The following FNDC3B variants were observed in gnomAD, a reference collection of about 807,000 sequenced individuals.
FNDC3B encodes fibronectin type III domain-containing protein 3B.
A neutral mutation model predicts 151.5 loss-of-function variants in FNDC3B; 12 were observed. That is an observed-to-expected ratio of 0.08 (90% CI 0.05 to 0.13). FNDC3B has a LOEUF of 0.13. Ranked by LOEUF, FNDC3B falls within the 10% of genes least tolerant of loss-of-function variation. FNDC3B has a pLI of 1.00. For synonymous variants in FNDC3B, 528 were observed against 549.0 expected, an observed-to-expected ratio of 0.96 and a Z score of 0.54; for missense variants, 1,214 against 1,505.3, an observed-to-expected ratio of 0.81 and a Z score of 3.20.
chr3:172,194,215 A>G (rs1408464364), intron 3 of FNDC3B, among the ~76,000 whole-genome samples: 1 of 151,908 alleles, frequency 6.6e-6, no homozygotes, highest in African/African-American at 2.4e-5. Flanking sequence ...GCAAGACTCC[A>G]TCTCAAAAAA....
intron 1 of FNDC3B, among the ~76,000 whole-genome samples, chr3:172,079,485 A>G (rs897320732): frequency 2.1e-4 from 32 of 152,342 alleles, no homozygotes; most frequent in African/African-American, 7.5e-4. Flanking sequence ...AAGACTTCAG[A>G]TAATTGGAAA....
At chr3:172,194,247 G>A (rs1724715912) in intron 3 of FNDC3B, among the ~76,000 whole-genome samples, 1 of 151,992 alleles carries the variant, frequency 6.6e-6, no homozygotes, top group African/African-American at 2.4e-5. Flanking sequence ...TATCTTAGTG[G>A]TTATACTGTT....
intron 16 of FNDC3B, 112 bp from the exon 17 acceptor site, chr3:172,341,000 GA>G: frequency 1.4e-6 from 1 of 739,926 alleles, no homozygotes; most frequent in Non-Finnish European, 2.4e-6. Context: ...TATTTAAAAA[GA>G]AAAAGAAGAT....
intron 1 of FNDC3B, among the ~76,000 whole-genome samples, chr3:172,086,951 T>G (rs778968594): frequency 6.6e-6 from 1 of 152,310 alleles, no homozygotes; most frequent in Non-Finnish European, 1.5e-5. Flanking sequence ...CTGGATAGAT[T>G]TATTAAAGAA....
At chr3:172,076,619 TA>T (rs1428758853) in intron 1 of FNDC3B, among the ~76,000 whole-genome samples, 1 of 152,222 alleles carries the variant, frequency 6.6e-6, no homozygotes, top group Admixed American at 6.5e-5. Context: ...TTAATTAATT[TA>T]TTTTTTTTAA....
chr3:172,307,107 C>T, intron 9 of FNDC3B: 1 of 425,320 alleles, frequency 2.4e-6, no homozygotes, highest in East Asian at 4.1e-5. Context: ...AGAATAATCT[C>T]TTCTAGTCAG....
At chr3:172,174,625 T>TTCAATA (rs1723455998) in intron 3 of FNDC3B, among the ~76,000 whole-genome samples, 1 of 152,170 alleles carries the variant, frequency 6.6e-6, no homozygotes, top group African/African-American at 2.4e-5. Flanking sequence ...TGTAGTGCTA[T>TTCAATA]TCAGACTTCA....
At chr3:172,329,108 G>A (rs199686506) in intron 12 of FNDC3B, 32 bp downstream of exon 12, 4 of 1,582,384 alleles carry the variant, frequency 2.5e-6, no homozygotes, top group Middle Eastern at 1.7e-4. Context: ...TTGCCCTTCA[G>A]CCTTTGGATG....
rs550104068 is a variant in FNDC3B, at chr3:172,306,784, GT to G, written c.1062-578del. On this transcript the variant is annotated intron_variant, in intron 9 of 25. Transcript: ENST00000415807. Reference sequence around the variant, plus strand: ...TCATGTATAAGAGTTAAATATTCACGTGGATTAAACTGTACCTGAACATTGT... The same window carrying G: ...TCATGTATAAGAGTTAAATATTCACGGGATTAAACTGTACCTGAACATTGT... 8.5e-5 allele frequency among the ~76,000 whole-genome samples: 13 copies of G among 152,328 alleles called. No individual in the cohort carries two copies. The South Asian group carries it at 2.5e-3, about 29-fold the overall frequency.
At chr3:172,198,147 G>T (rs1163768634) in intron 3 of FNDC3B, among the ~76,000 whole-genome samples, 1 of 151,968 alleles carries the variant, frequency 6.6e-6, no homozygotes, top group Non-Finnish European at 1.5e-5. Context: ...CATCTTTTCT[G>T]GTTCAAAGAG....
intron 17 of FNDC3B, 81 bp downstream of exon 17, chr3:172,341,312 G>A (rs548616232): frequency 2.0e-6 from 2 of 999,308 alleles, no homozygotes; most frequent in African/African-American, 1.6e-5. Flanking sequence ...GCAAATTGCA[G>A]TTTAAACAAT....
intron 3 of FNDC3B, among the ~76,000 whole-genome samples, chr3:172,216,024 C>T (rs1445679168): frequency 6.6e-6 from 1 of 151,780 alleles, no homozygotes; most frequent in Non-Finnish European, 1.5e-5. Context: ...GCTAATAGAT[C>T]CTCTTCACGC....
chr3:172,207,363 CAAATAAAT>C (rs1275570959), intron 3 of FNDC3B, among the ~76,000 whole-genome samples: 1 of 152,082 alleles, frequency 6.6e-6, no homozygotes, highest in Admixed American at 6.5e-5. Flanking sequence ...CAATGGGTAT[CAAATAAAT>C]AACACAGTTT....
chr3:172,351,666 A>G (rs999144056), intron 21 of FNDC3B, among the ~76,000 whole-genome samples: 6 of 152,224 alleles, frequency 3.9e-5, no homozygotes, highest in African/African-American at 1.4e-4. Flanking sequence ...GATACCAGCT[A>G]GGAGGTCATT....
chr3:172,089,990 T>G (rs895728508), intron 1 of FNDC3B, among the ~76,000 whole-genome samples: 4 of 152,236 alleles, frequency 2.6e-5, no homozygotes, highest in Non-Finnish European at 5.9e-5. Context: ...TTGTGATGGC[T>G]GTTATATGAG....
chr3:172,249,734 A>G (rs1272565960), intron 5 of FNDC3B, among the ~76,000 whole-genome samples: 1 of 152,180 alleles, frequency 6.6e-6, no homozygotes, highest in Non-Finnish European at 1.5e-5. Context: ...CACTCTCTGA[A>G]TAGGATTATA....
Position 172,192,169 on chromosome 3 carries a change from G to GTTTT in FNDC3B, c.188-34699_188-34696dup, listed in dbSNP as rs200952601. 5.5e-4 allele frequency among the ~76,000 whole-genome samples: 48 copies of GTTTT among 87,382 alleles called. 2 individuals carry two copies. Among genetic ancestry groups the GTTTT allele is most frequent in the African/African-American group, 5.9e-4 (15 of 25,412 alleles). The allele number at this position is 87,382 out of a possible 152,430, so 57.3% of individuals were successfully genotyped here. On this transcript the variant is annotated intron_variant, in intron 3 of 25. Coordinates refer to ENST00000415807, the MANE Select transcript of FNDC3B (RefSeq NM_022763.4). ...ACAGAAGACTGTTTTTTTTGTGTGT[G>GTTTT]TTTTTTGTTTTTTTTTTTTTTGAGA...
In FNDC3B at chr3:172,390,453, G is replaced by T. The variant is rs543456330; in HGVS notation, c.3304-6711G>T. Among the ~76,000 whole-genome samples, 56 of 151,960 alleles carry T rather than the reference G, an allele frequency of 3.7e-4. No homozygotes were observed. In the South Asian group the frequency reaches 0.012, roughly 32 times the overall value. ...TTCCAGTCTACAAAGTTAAAGTTGG[G>T]AAGTTTTGTTAAAATTAATATATGA... On this transcript the variant is annotated intron_variant, in intron 25 of 25. Coordinates refer to ENST00000415807, the MANE Select transcript of FNDC3B (RefSeq NM_022763.4).
chr3:172,194,259 T>C (rs570796818), intron 3 of FNDC3B, among the ~76,000 whole-genome samples: 1 of 152,264 alleles, frequency 6.6e-6, no homozygotes, highest in South Asian at 2.1e-4. Context: ...TATACTGTTG[T>C]AGAGTAGTAT....
Sources: allele counts gnomAD v4.1 joint callset (sites outside exome capture counted in the v4.1 genomes callset), GRCh38; gene constraint gnomAD v4.1.1; transcripts MANE v1.5; gene names NCBI Gene and HGNC (gene_info 2026-07-23, HGNC 2026-07-21).